Variants in GPM6A observed in about 807,000 individuals in gnomAD.
The protein encoded by GPM6A is neuronal membrane glycoprotein M6-a.
Under a neutral mutation model 32.1 loss-of-function variants are expected in GPM6A, and 7 were observed. The observed-to-expected ratio is 0.22, with a 90% CI of 0.12 to 0.41. The LOEUF is 0.41. Ranked by LOEUF, GPM6A falls within the 10% of genes least tolerant of loss-of-function variation. GPM6A has a pLI of 1.00. For missense variants in GPM6A, 235 were observed against 347.2 expected, an observed-to-expected ratio of 0.68 and a Z score of 2.57; for synonymous variants, 130 against 123.4, an observed-to-expected ratio of 1.05 and a Z score of -0.35.
At chr4:175,759,334 G>A (rs762009866) in intron 1 of GPM6A, among the ~76,000 whole-genome samples, 2 of 152,100 alleles carry the variant, frequency 1.3e-5, no homozygotes, top group African/African-American at 4.8e-5. Context: ...TCAATTATAC[G>A]TAGATAATTC....
At chr4:175,839,389 A>T (rs1355214405) in intron 1 of GPM6A, among the ~76,000 whole-genome samples, 1 of 152,228 alleles carries the variant, frequency 6.6e-6, no homozygotes, top group Non-Finnish European at 1.5e-5. Context: ...AAAATTTTAA[A>T]AAACACTTTG....
intron 3 of GPM6A, among the ~76,000 whole-genome samples, chr4:175,667,481 TG>T (rs1231232022): frequency 5.9e-5 from 9 of 152,156 alleles, no homozygotes; most frequent in African/African-American, 2.2e-4. Flanking sequence ...AAATGTAATA[TG>T]GTATCCCGAA....
At chr4:175,794,595 ATT>A (rs1734144696) in intron 1 of GPM6A, among the ~76,000 whole-genome samples, 5 of 152,212 alleles carry the variant, frequency 3.3e-5, no homozygotes, top group Non-Finnish European at 7.3e-5. Flanking sequence ...GAAGCTGATA[ATT>A]CAAGGAGCTG....
chr4:175,894,846 G>A (rs1339117254), intron 1 of GPM6A, among the ~76,000 whole-genome samples: 3 of 152,030 alleles, frequency 2.0e-5, no homozygotes, highest in Admixed American at 1.3e-4. Flanking sequence ...AAGGGTCTTC[G>A]AAGTTCAAAA....
intron 1 of GPM6A, among the ~76,000 whole-genome samples, chr4:175,840,399 C>T (rs184280558): frequency 3.9e-5 from 6 of 152,232 alleles, no homozygotes; most frequent in East Asian, 1.9e-4. Flanking sequence ...AAATGCAGTC[C>T]GGGTGCGGTG....
upstream of GPM6A, chr4:175,812,322 T>C: frequency 7.2e-7 from 1 of 1,392,506 alleles, no homozygotes; most frequent in Non-Finnish European, 9.3e-7. Context: ...TTTTTTTTTT[T>C]TTTTTTTTTT....
intron 1 of GPM6A, among the ~76,000 whole-genome samples, chr4:175,886,609 A>T (rs1352289834): frequency 6.6e-6 from 1 of 152,102 alleles, no homozygotes; most frequent in East Asian, 1.9e-4. Flanking sequence ...TTAAAAATGT[A>T]AAGGTATAAG....
chr4:175,884,411 G>A (rs1737384035), intron 1 of GPM6A, among the ~76,000 whole-genome samples: 1 of 152,068 alleles, frequency 6.6e-6, no homozygotes, highest in South Asian at 2.1e-4. Flanking sequence ...TACAAATAGT[G>A]TCAGACTGTT....
In GPM6A at chr4:176,001,159, G is replaced by T. The variant is rs372860093; in HGVS notation, c.-23+1150C>A. 2.4e-4 allele frequency among the ~76,000 whole-genome samples: 37 copies of T among 152,292 alleles called. No individual in the cohort carries two copies. The South Asian group carries it at 7.5e-3, about 31-fold the overall frequency. On this transcript the variant is annotated intron_variant, in intron 1 of 7. Transcript: ENST00000280187. ...AGTCAAAGCATCCCCTAACCCTTGA[G>T]CCTGTGGGAATACAGGAATTTCAAC...
At chr4:175,724,155 C>T (rs113650083) in intron 1 of GPM6A, among the ~76,000 whole-genome samples, 22 of 152,114 alleles carry the variant, frequency 1.4e-4, no homozygotes, top group East Asian at 9.6e-4. Flanking sequence ...TCATTTGCAA[C>T]GACATGGATG....
intron 1 of GPM6A, among the ~76,000 whole-genome samples, chr4:175,852,500 G>T (rs574323229): frequency 6.6e-6 from 1 of 152,078 alleles, no homozygotes; most frequent in Non-Finnish European, 1.5e-5. Context: ...CACTTTATTG[G>T]AGAGGGCAAA....
chr4:175,760,800 A>G (rs1732708461), intron 1 of GPM6A, among the ~76,000 whole-genome samples: 2 of 152,126 alleles, frequency 1.3e-5, no homozygotes, highest in Admixed American at 6.6e-5. Context: ...TAAGGATAAA[A>G]CAACAGAAAA....
rs187163422 is a variant in GPM6A, at chr4:175,883,414, A to G, written c.-22-71165T>C. On this transcript the variant is annotated intron_variant, in intron 1 of 7. Coordinates refer to the GPM6A transcript ENST00000280187. ...TATTATCTTGCAATATCCAATCAAT[A>G]TAAAAAATTAAGAAGATAGTAGTTC... Among the ~76,000 whole-genome samples, 30 of 152,266 alleles carry G rather than the reference A, an allele frequency of 2.0e-4. No individual in the cohort carries two copies. In the East Asian group the frequency reaches 5.6e-3, roughly 28 times the overall value.
intron 4 of GPM6A, among the ~76,000 whole-genome samples, chr4:175,645,697 G>A (rs1363683178): frequency 6.6e-6 from 1 of 152,100 alleles, no homozygotes; most frequent in Non-Finnish European, 1.5e-5. Flanking sequence ...CTCCAGCCTG[G>A]GCGACAGAGC....
intron 2 of GPM6A, among the ~76,000 whole-genome samples, chr4:175,675,786 A>G (rs1202444711): frequency 6.6e-6 from 1 of 152,040 alleles, no homozygotes; most frequent in Non-Finnish European, 1.5e-5. Context: ...AGTAGTAGAG[A>G]CTAGAGGTGT....
intron 1 of GPM6A, among the ~76,000 whole-genome samples, chr4:175,843,522 T>C (rs1341464060): frequency 6.6e-6 from 1 of 152,114 alleles, no homozygotes; most frequent in East Asian, 1.9e-4. Context: ...TTCAACACAT[T>C]TATTCAGGTC....
intron 1 of GPM6A, chr4:175,962,091 C>G: frequency 1.3e-6 from 1 of 742,800 alleles, no homozygotes; most frequent in Non-Finnish European, 2.5e-6. Flanking sequence ...AGTCTTTGGC[C>G]CTACAATAGT....
At chr4:175,727,085 G>T (rs1446041680) in intron 1 of GPM6A, among the ~76,000 whole-genome samples, 10 of 152,082 alleles carry the variant, frequency 6.6e-5, no homozygotes, top group Non-Finnish European at 1.5e-4. Flanking sequence ...GAAAAAAATA[G>T]TCAAATTGAA....
At chr4:175,637,379 A>G (rs1463031719) in intron 6 of GPM6A, among the ~76,000 whole-genome samples, 1 of 79,928 alleles carries the variant, frequency 1.3e-5, no homozygotes, top group Non-Finnish European at 2.2e-5. Context: ...ATAATATATT[A>G]TATAATATAT....
Sources: gnomAD v4.1 joint callset for allele counts (sites outside exome capture counted in the v4.1 genomes callset) on GRCh38, gnomAD v4.1.1 for gene constraint, MANE v1.5 for transcripts, NCBI Gene and HGNC (gene_info 2026-07-23, HGNC 2026-07-21) for gene names.